Variants in RYK observed in about 807,000 individuals in gnomAD.
RYK encodes the protein receptor like tyrosine kinase.
In RYK, 21 loss-of-function variants were observed where a neutral mutation model predicts 70.2. That is an observed-to-expected ratio of 0.30 (90% CI 0.21 to 0.43). RYK has a LOEUF of 0.43. Ranked by LOEUF, RYK falls within the 20% of genes least tolerant of loss-of-function variation. The pLI is 1.00. For synonymous variants in RYK, 267 were observed against 278.0 expected, an observed-to-expected ratio of 0.96 and a Z score of 0.39; for missense variants, 604 against 753.3, an observed-to-expected ratio of 0.80 and a Z score of 2.32.
In RYK at chr3:134,240,811, A is replaced by C. The variant is rs566837105; in HGVS notation, c.232+9612T>G. Among the ~76,000 whole-genome samples, 6 of 152,326 alleles carry C rather than the reference A, an allele frequency of 3.9e-5. No homozygotes were observed. The East Asian group carries it at 9.6e-4, about 24-fold the overall frequency. On this transcript the variant is annotated intron_variant, in intron 1 of 14. Transcript: ENST00000623711. ...AGGGAAAGGGCCTAAGGCTTTCACA[A>C]AAAAAGGCTGAGAACCACTGACATT...
At chr3:134,168,481 C>T (rs752163897) in intron 13 of RYK, among the ~76,000 whole-genome samples, 50 of 151,936 alleles carry the variant, frequency 3.3e-4, no homozygotes, top group Admixed American at 1.1e-3. Flanking sequence ...GGGACATGGA[C>T]GAAACTAGAA....
Position 134,199,734 on chromosome 3 carries a change from G to A in RYK, c.788+2996C>T, listed in dbSNP as rs1194379631. Among the ~76,000 whole-genome samples the A allele has an allele frequency of 2.0e-5, 3 of 152,138 alleles. No homozygotes were observed. In the South Asian group the frequency reaches 6.2e-4, roughly 32 times the overall value. ...GCAGGTAATAAATAATTGTTAATAG[G>A]ACAGGAAAGGGCAGAAGAACTTTGT... On this transcript the variant is annotated intron_variant, in intron 6 of 14. Transcript: ENST00000623711.
intron 2 of RYK, among the ~76,000 whole-genome samples, chr3:134,219,700 T>A (rs1271344573): frequency 1.3e-5 from 2 of 152,084 alleles, no homozygotes; most frequent in Non-Finnish European, 2.9e-5. Context: ...GACCTCAGAG[T>A]TGCAAGGGAA....
At chr3:134,216,792 CAAAAA>C (rs61441674) in intron 2 of RYK, among the ~76,000 whole-genome samples, 10 of 37,424 alleles carry the variant, frequency 2.7e-4, no homozygotes, top group African/African-American at 5.0e-4. Context: ...GACTCTGTCT[CAAAAA>C]AAAAAAAAAA....
Position 134,158,069 on chromosome 3 carries a change from G to T in RYK, c.*84C>A. On this transcript the variant is annotated 3_prime_UTR_variant, in exon 15 of 15. Transcript: ENST00000623711. ...AGACAAATGTGCTTCTGTTGGCGTT[G>T]TGTTAGATACAAAGCATCCCTGACA... 1.7e-6 allele frequency: 1 copy of T among 587,476 alleles called. No homozygotes were observed. Among genetic ancestry groups the T allele is most frequent in the Non-Finnish European group, 2.6e-6 (1 of 377,728 alleles). 36.4% of individuals were successfully genotyped at this position (587,476 alleles called of 1,614,324 possible).
At position 134,159,333 on chromosome 3, in the gene RYK, C is replaced by A; in HGVS notation, c.1616G>T (p.Gly539Val). 1 of 1,613,646 alleles carries A rather than the reference C, an allele frequency of 6.2e-7. No individual in the cohort carries two copies. The highest frequency in any genetic ancestry group is 8.5e-7 in the Non-Finnish European group (1 of 1,179,748). The change falls in exon 14 of 15, where the codon GGC becomes GTC. Residue 539 changes from glycine (G) to valine (V), a missense_variant. By Grantham distance (109) the Gly-to-Val change is moderately radical. Transcript: ENST00000623711. ...GVTLWELMTL[G>V]QTPYVDIDPF... ...GTCAATGTCCACGTAGGGAGTCTGG[C>A]CCAGAGTCATGAGTTCCCACAGCGT... is the stretch of plus-strand genomic sequence containing the variant.
intron 1 of RYK, among the ~76,000 whole-genome samples, chr3:134,226,359 C>T (rs2014911395): frequency 6.6e-6 from 1 of 152,182 alleles, no homozygotes; most frequent in South Asian, 2.1e-4. Context: ...AATTAAAAAC[C>T]TATCCCAAAA....
intron 11 of RYK, 62 bp from the exon 12 acceptor site, chr3:134,176,101 CTTTT>C: frequency 1.0e-6 from 1 of 983,832 alleles, no homozygotes; most frequent in Non-Finnish European, 1.6e-6. Context: ...CACTTTCTTA[CTTTT>C]TTTATTCCAC....
At position 134,250,602 on chromosome 3, in the gene RYK, GC is replaced by G; in HGVS notation, c.52del (p.Ala18ProfsTer4). 2.9e-6 allele frequency: 3 copies of G among 1,052,062 alleles called. No individual in the cohort carries two copies. Among genetic ancestry groups the G allele is most frequent in the Non-Finnish European group, 3.5e-6 (3 of 868,924 alleles). 65.2% of individuals were successfully genotyped at this position (1,052,062 alleles called of 1,614,324 possible). ...GRPGRSCLPG[A>X]RGLRAPPPPP... ...CGGCGGCGGGGCCCTCAGGCCGCGG[GC>G]CCCCGGGAGGCAACTCCGGCCCGGC... is the stretch of plus-strand genomic sequence containing the variant. On this transcript the variant is annotated frameshift_variant, in exon 1 of 15. Coordinates refer to ENST00000623711, the MANE Select transcript of RYK (RefSeq NM_002958.4). LOFTEE classifies it high-confidence loss of function.
Position 134,195,131 on chromosome 3 carries a change from CG to C in RYK, c.839del (p.Thr280ArgfsTer5). The C allele has an allele frequency of 6.2e-7, 1 of 1,613,474 alleles. No homozygotes were observed. The highest frequency in any genetic ancestry group is 1.3e-5 in the African/African-American group (1 of 74,984). ...GCGTGTCTGCTCTCAGATACTGAGT[CG>C]TCTGGGTGGATGGCTGAGACAGCCC... The part of the protein sequence containing the change: ...SQGLSQPSTQ[T>X]TQYLRADTPN... On this transcript the variant is annotated frameshift_variant, in exon 7 of 15. Coordinates refer to ENST00000623711, the MANE Select transcript of RYK (RefSeq NM_002958.4). LOFTEE classifies it high-confidence loss of function.
intron 8 of RYK, 54 bp from the exon 9 acceptor site, chr3:134,188,977 T>C (rs968214387): frequency 1.9e-6 from 2 of 1,048,420 alleles, no homozygotes; most frequent in Non-Finnish European, 2.8e-6. Flanking sequence ...AAAATTATAG[T>C]ACAAAACTTT....
At chr3:134,231,729 C>T (rs1250755431) in intron 1 of RYK, among the ~76,000 whole-genome samples, 1 of 152,164 alleles carries the variant, frequency 6.6e-6, no homozygotes, top group Non-Finnish European at 1.5e-5. Flanking sequence ...CCTCAGTGGA[C>T]ACTGCCCTGG....
Position 134,157,437 on chromosome 3 carries a change from C to A in RYK, c.*716G>T, listed in dbSNP as rs1488498362. On this transcript the variant is annotated 3_prime_UTR_variant, in exon 15 of 15. Transcript: ENST00000623711. ...AAACCACATCTGGTTCACAGAAAGG[C>A]TAATTTCTGCCAAATTAAAGATGTA... The A allele has an allele frequency of 6.6e-6, 1 of 152,186 alleles. No homozygotes were observed. Among genetic ancestry groups the A allele is most frequent in the Non-Finnish European group, 1.5e-5 (1 of 68,042 alleles). The allele number at this position is 152,186 out of a possible 1,614,324, so 9.4% of individuals were successfully genotyped here.
intron 5 of RYK, among the ~76,000 whole-genome samples, chr3:134,204,649 AACAC>A (rs919435222): frequency 2.0e-5 from 3 of 151,656 alleles, no homozygotes; most frequent in South Asian, 2.1e-4. Context: ...ACTGAGAAAA[AACAC>A]ACAGCAAGAT....
At chr3:134,197,700 G>A (rs1284649851) in intron 6 of RYK, among the ~76,000 whole-genome samples, 6 of 152,048 alleles carry the variant, frequency 3.9e-5, no homozygotes, top group Non-Finnish European at 1.5e-5. Flanking sequence ...TCCTCAAAAG[G>A]GGAGGAAATA....
chr3:134,165,494 A>G (rs1210100776), intron 13 of RYK, among the ~76,000 whole-genome samples: 1 of 152,204 alleles, frequency 6.6e-6, no homozygotes, highest in African/African-American at 2.4e-5. Flanking sequence ...GTTTTTCTGT[A>G]GACGCCCTTT....
At chr3:134,247,976 T>C (rs974981336) in intron 1 of RYK, among the ~76,000 whole-genome samples, 2 of 152,070 alleles carry the variant, frequency 1.3e-5, no homozygotes, top group Admixed American at 6.6e-5. Context: ...TTAAGTACCA[T>C]AACAGCTTCT....
chr3:134,242,328 T>G (rs1325631540), intron 1 of RYK, among the ~76,000 whole-genome samples: 1 of 149,912 alleles, frequency 6.7e-6, no homozygotes, highest in Non-Finnish European at 1.5e-5. Flanking sequence ...AAGATAAGAA[T>G]GAGACCTATG....
chr3:134,158,304 T>A, intron 14 of RYK, 40 bp from the exon 15 acceptor site: 1 of 1,337,636 alleles, frequency 7.5e-7, no homozygotes. Context: ...CTAGTAAGGA[T>A]ACAGTATTCA....
Sources: allele counts gnomAD v4.1 joint callset (sites outside exome capture counted in the v4.1 genomes callset), GRCh38; gene constraint gnomAD v4.1.1; transcripts MANE v1.5; gene names NCBI Gene and HGNC (gene_info 2026-07-23, HGNC 2026-07-21).